Variants in GC observed in about 807,000 individuals in gnomAD.
The protein encoded by GC is GC vitamin D binding protein, also known as vitamin D-binding protein.
A neutral mutation model predicts 56.7 loss-of-function variants in GC; 43 were observed. That is an observed-to-expected ratio of 0.76 (90% CI 0.59 to 0.98). The LOEUF (loss-of-function observed/expected upper bound fraction) is 0.98. Among genes scored for constraint, GC ranks in the 50% least tolerant of loss-of-function variants. The pLI, the probability that GC is intolerant of heterozygous loss-of-function variation, is 0.00. For missense variants in GC, 529 were observed against 545.9 expected, an observed-to-expected ratio of 0.97 and a Z score of 0.31; for synonymous variants, 216 against 202.7, an observed-to-expected ratio of 1.07 and a Z score of -0.56.
chr4:71,750,453 A>G (rs535569677), intron 11 of GC, among the ~76,000 whole-genome samples: 1 of 152,224 alleles, frequency 6.6e-6, no homozygotes, highest in South Asian at 2.1e-4. Flanking sequence ...GAACATTTAT[A>G]CTTTCGTGAC....
At chr4:71,795,907 C>A (rs892740407) in intron 1 of GC, among the ~76,000 whole-genome samples, 1 of 152,158 alleles carries the variant, frequency 6.6e-6, no homozygotes. Flanking sequence ...ATTTCTCCTT[C>A]ATTTATGAAG....
chr4:71,802,003 A>C (rs1403726766), intron 1 of GC, among the ~76,000 whole-genome samples: 1 of 151,808 alleles, frequency 6.6e-6, no homozygotes, highest in Non-Finnish European at 1.5e-5. Flanking sequence ...ATTATTCTCT[A>C]ATTTTGTGGA....
rs201675874 is a variant in GC, at chr4:71,759,119, C to CT, written c.702-949dup. On this transcript the variant is annotated intron_variant, in intron 6 of 12. Coordinates refer to ENST00000273951, the MANE Select transcript of GC (RefSeq NM_000583.4). Reference sequence around the variant, plus strand: ...TCCTTGTAGCACGTGACAGGATTTTCTTTTTTTTTCAGGCTACATAATATT... The same window carrying CT: ...TCCTTGTAGCACGTGACAGGATTTTCTTTTTTTTTTCAGGCTACATAATATT... 7.2e-3 allele frequency among the ~76,000 whole-genome samples: 1,091 copies of CT among 151,104 alleles called. 7 individuals carry two copies. Among genetic ancestry groups the CT allele is most frequent in the South Asian group, 0.028 (133 of 4,766 alleles).
upstream of GC, chr4:71,784,387 C>T: frequency 1.1e-5 from 10 of 925,702 alleles, no homozygotes; most frequent in Non-Finnish European, 1.2e-5. Flanking sequence ...CCTTCTCCCC[C>T]TGTATAGGGC....
At chr4:71,791,697 A>T (rs1046879315) in intron 1 of GC, among the ~76,000 whole-genome samples, 2 of 151,150 alleles carry the variant, frequency 1.3e-5, no homozygotes, top group African/African-American at 4.9e-5. Flanking sequence ...CTTCAGTTCT[A>T]GGGTACATGT....
intron 1 of GC, among the ~76,000 whole-genome samples, chr4:71,774,342 A>T (rs990842473): frequency 2.6e-5 from 4 of 152,184 alleles, no homozygotes; most frequent in African/African-American, 9.6e-5. Context: ...AGACTCACTC[A>T]AACTAATGTC....
intron 1 of GC, among the ~76,000 whole-genome samples, chr4:71,794,447 G>T (rs1353632287): frequency 1.2e-4 from 19 of 152,140 alleles, no homozygotes; most frequent in South Asian, 1.0e-3. Flanking sequence ...TTTGCATAGA[G>T]GTGTTTATAG....
intron 1 of GC, among the ~76,000 whole-genome samples, chr4:71,777,369 G>A (rs1049015275): frequency 6.6e-6 from 1 of 151,384 alleles, no homozygotes; most frequent in Non-Finnish European, 1.5e-5. Context: ...TCTTAGTAAG[G>A]CTAAAGAGAG....
Position 71,764,493 on chromosome 4 carries a change from A to C in GC, c.474-557T>G, listed in dbSNP as rs77434624. Among the ~76,000 whole-genome samples the C allele has an allele frequency of 5.4e-4, 82 of 152,250 alleles. 2 individuals carry two copies. The East Asian group carries it at 0.015, about 27-fold the overall frequency. The stretch of plus-strand genomic sequence containing the variant: ...GGGCCATTTGTCCCTTTATTCACTT[A>C]ATGTCTGGTCAGGTGCATCACCCAT... On this transcript the variant is annotated intron_variant, in intron 4 of 12. Transcript: ENST00000273951.
At chr4:71,745,122 A>C (rs934062060) in intron 12 of GC, among the ~76,000 whole-genome samples, 1 of 152,184 alleles carries the variant, frequency 6.6e-6, no homozygotes, top group African/African-American at 2.4e-5. Flanking sequence ...ACATCACCTC[A>C]ATCATTGTAA....
intron 8 of GC, among the ~76,000 whole-genome samples, chr4:71,756,445 A>C (rs556917541): frequency 1.3e-5 from 2 of 152,234 alleles, no homozygotes; most frequent in Non-Finnish European, 1.5e-5. Flanking sequence ...TTGGCCATGC[A>C]CAGGAAACAG....
chr4:71,769,703 C>T (rs910065086), intron 1 of GC: 1 of 240,980 alleles, frequency 4.1e-6, no homozygotes, highest in Non-Finnish European at 8.3e-6. Flanking sequence ...GATATGGCAA[C>T]TATTAGGTCC....
chr4:71,780,833 C>T (rs1011831723), intron 1 of GC, among the ~76,000 whole-genome samples: 2 of 152,100 alleles, frequency 1.3e-5, no homozygotes, highest in Non-Finnish European at 2.9e-5. Flanking sequence ...GTGACTATTC[C>T]TCAAGGATCT....
At chr4:71,767,651 A>G (rs951283135) in intron 3 of GC, among the ~76,000 whole-genome samples, 1 of 148,830 alleles carries the variant, frequency 6.7e-6, no homozygotes, top group African/African-American at 2.4e-5. Context: ...TAAAATGTAT[A>G]TATACATATA....
rs878938915 is a variant in GC at position 71,763,803 on chromosome 4, C to T, written c.606+1G>A. 3 of 1,610,216 alleles carry T rather than the reference C, an allele frequency of 1.9e-6. No individual in the cohort carries two copies. Among genetic ancestry groups the T allele is most frequent in the African/African-American group, 2.7e-5 (2 of 74,870 alleles). On this transcript the variant is annotated splice_donor_variant, in intron 5 of 12. Transcript: ENST00000273951. LOFTEE classifies it high-confidence loss of function. ...CATATAATAAGTAAAATGGGACATA[C>T]CTCTTTCAAAAAGCATACAGTTGGG...
intron 4 of GC, among the ~76,000 whole-genome samples, chr4:71,764,430 T>G (rs1429337173): frequency 6.6e-6 from 1 of 152,188 alleles, no homozygotes; most frequent in Non-Finnish European, 1.5e-5. Context: ...TCATTAAAAA[T>G]AGATTTACAA....
intron 1 of GC, among the ~76,000 whole-genome samples, chr4:71,781,410 C>A (rs57962813): frequency 0.043 from 6,357 of 149,308 alleles, 177 homozygotes; most frequent in Middle Eastern, 0.092. Flanking sequence ...AAACTTGAAT[C>A]GAAAAAAAAG....
intron 1 of GC, among the ~76,000 whole-genome samples, chr4:71,774,833 G>C (rs919846866): frequency 2.6e-5 from 4 of 151,716 alleles, no homozygotes; most frequent in African/African-American, 9.7e-5. Flanking sequence ...ATGAAAAATT[G>C]TACTTTAACT....
chr4:71,749,790 T>C (rs1741488092), intron 11 of GC, among the ~76,000 whole-genome samples: 1 of 152,208 alleles, frequency 6.6e-6, no homozygotes, highest in Non-Finnish European at 1.5e-5. Context: ...TAATGAAAGA[T>C]TAAGATGGCA....
Sources: gnomAD v4.1 joint callset for allele counts (sites outside exome capture counted in the v4.1 genomes callset) on GRCh38, gnomAD v4.1.1 for gene constraint, MANE v1.5 for transcripts, NCBI Gene and HGNC (gene_info 2026-07-23, HGNC 2026-07-21) for gene names.